PCDH9: variants seen among roughly 807,000 people sequenced by gnomAD.
PCDH9 encodes the protein protocadherin-9.
A neutral mutation model predicts 70.6 loss-of-function variants in PCDH9; 24 were observed. The ratio of observed to expected loss-of-function variants is 0.34; its 90% confidence interval spans 0.25 to 0.48. The LOEUF is 0.48. Among genes scored for constraint, PCDH9 ranks in the 20% least tolerant of loss-of-function variants. The pLI is 0.99. For synonymous variants in PCDH9, 562 were observed against 558.5 expected (o/e 1.01, Z -0.09); for missense variants, 1,281 against 1,503.6 (o/e 0.85, Z 2.45).
chr13:66,908,455 C>T (rs192332551), intron 2 of PCDH9, among the ~76,000 whole-genome samples: 29 of 152,222 alleles, frequency 1.9e-4, no homozygotes, highest in Non-Finnish European at 1.5e-5. Context: ...CAATTACACC[C>T]ATATTGAACA....
intron 3 of PCDH9, among the ~76,000 whole-genome samples, chr13:66,888,830 A>T (rs558556915): frequency 6.6e-6 from 1 of 152,194 alleles, no homozygotes; most frequent in African/African-American, 2.4e-5. Flanking sequence ...GAGCTTTCCC[A>T]ACATTCAGAA....
rs539694115 is a variant in PCDH9, at chr13:66,328,054, A to G, written c.3341-23026T>C. Among the ~76,000 whole-genome samples the G allele has an allele frequency of 3.9e-5, 6 of 152,294 alleles. No homozygotes were observed. In the South Asian group the frequency reaches 1.2e-3, roughly 32 times the overall value. On this transcript the variant is annotated intron_variant, in intron 4 of 4. Coordinates refer to ENST00000377865, the MANE Select transcript of PCDH9 (RefSeq NM_203487.3). The stretch of plus-strand genomic sequence containing the variant: ...ATAAAATATCACTAACCTTTCAAAG[A>G]TCCTATTAAGTATCCAAAATGGATG...
intron 4 of PCDH9, among the ~76,000 whole-genome samples, chr13:66,364,294 T>C (rs529931463): frequency 6.6e-6 from 1 of 152,358 alleles, no homozygotes; most frequent in South Asian, 2.1e-4. Context: ...TTGATTGTTA[T>C]CTACATATAC....
At chr13:66,954,660 C>A (rs189042491) in intron 2 of PCDH9, among the ~76,000 whole-genome samples, 130 of 152,358 alleles carry the variant, frequency 8.5e-4, no homozygotes, top group Non-Finnish European at 9.4e-4. Context: ...CCCAACTATG[C>A]TCTGGGCACA....
chr13:66,326,126 C>T (rs539800007), intron 4 of PCDH9, among the ~76,000 whole-genome samples: 1 of 152,064 alleles, frequency 6.6e-6, no homozygotes, highest in Admixed American at 6.6e-5. Flanking sequence ...GCTCTAAGTA[C>T]GAGGACAACA....
intron 2 of PCDH9, among the ~76,000 whole-genome samples, chr13:66,960,286 AT>A: frequency 6.6e-6 from 1 of 152,306 alleles, no homozygotes; most frequent in African/African-American, 2.4e-5. Context: ...AATGGCTTTA[AT>A]TTTTTAAAGT....
At chr13:66,640,368 T>C (rs1055063860) in intron 3 of PCDH9, among the ~76,000 whole-genome samples, 1 of 152,186 alleles carries the variant, frequency 6.6e-6, no homozygotes, top group Non-Finnish European at 1.5e-5. Flanking sequence ...ATTCCCCTTG[T>C]TAATAATTCT....
chr13:66,335,006 T>C (rs1956012277), intron 4 of PCDH9, among the ~76,000 whole-genome samples: 1 of 152,114 alleles, frequency 6.6e-6, no homozygotes, highest in Non-Finnish European at 1.5e-5. Flanking sequence ...AAAACATGAA[T>C]CTTGCCCAAA....
At chr13:66,585,297 T>G (rs528501816) in intron 4 of PCDH9, among the ~76,000 whole-genome samples, 27 of 152,272 alleles carry the variant, frequency 1.8e-4, no homozygotes, top group African/African-American at 6.5e-4. Context: ...AAAGTTTTGA[T>G]TATCTGTGAG....
At chr13:67,172,130 C>T (rs1457800275) in intron 2 of PCDH9, among the ~76,000 whole-genome samples, 1 of 152,212 alleles carries the variant, frequency 6.6e-6, no homozygotes, top group Admixed American at 6.5e-5. Flanking sequence ...ATCAGCTTCT[C>T]TTCCAATTGT....
chr13:66,812,678 T>C (rs947102515), intron 3 of PCDH9, among the ~76,000 whole-genome samples: 3 of 152,160 alleles, frequency 2.0e-5, no homozygotes, highest in African/African-American at 7.2e-5. Context: ...GCAATGTTGT[T>C]TCCATGAGCA....
At chr13:66,870,854 G>C (rs944956114) in intron 3 of PCDH9, among the ~76,000 whole-genome samples, 18 of 152,076 alleles carry the variant, frequency 1.2e-4, no homozygotes, top group African/African-American at 4.3e-4. Flanking sequence ...TCTAGAACTA[G>C]AAATACCATT....
chr13:67,079,867 C>CA (rs1450163320), intron 2 of PCDH9, among the ~76,000 whole-genome samples: 4 of 152,164 alleles, frequency 2.6e-5, no homozygotes, highest in Non-Finnish European at 4.4e-5. Flanking sequence ...TTAACTCAAA[C>CA]ATTCCTTTCT....
chr13:66,839,961 A>ATC (rs748310967), intron 3 of PCDH9, among the ~76,000 whole-genome samples: 3 of 152,120 alleles, frequency 2.0e-5, no homozygotes, highest in Non-Finnish European at 4.4e-5. Context: ...TGCCTTCTTG[A>ATC]TCTGACTTCA....
At chr13:66,721,232 A>G (rs2078937751) in intron 3 of PCDH9, among the ~76,000 whole-genome samples, 1 of 152,204 alleles carries the variant, frequency 6.6e-6, no homozygotes, top group Admixed American at 6.5e-5. Flanking sequence ...CAATGTAATG[A>G]ACTTCCATTT....
chr13:66,680,314 C>G (rs186842667), intron 3 of PCDH9, among the ~76,000 whole-genome samples: 104 of 152,022 alleles, frequency 6.8e-4, no homozygotes, highest in Middle Eastern at 6.8e-3. Context: ...TAGAAAGTTT[C>G]CTTTCATTGA....
At chr13:66,867,016 C>CTTTTTTTTTTT (rs562922937) in intron 3 of PCDH9, among the ~76,000 whole-genome samples, 1 of 137,024 alleles carries the variant, frequency 7.3e-6, no homozygotes, top group African/African-American at 2.7e-5. Flanking sequence ...CAGTTTCTTT[C>CTTTTTTTTTTT]TTTTTTTTTT....
chr13:66,576,371 C>A (rs988152287), intron 4 of PCDH9, among the ~76,000 whole-genome samples: 1 of 151,944 alleles, frequency 6.6e-6, no homozygotes, highest in Non-Finnish European at 1.5e-5. Context: ...TGTCCATAAT[C>A]GTAGCAATGA....
At chr13:66,901,709 C>T (rs1033585229) in intron 3 of PCDH9, among the ~76,000 whole-genome samples, 28 of 151,474 alleles carry the variant, frequency 1.8e-4, no homozygotes, top group African/African-American at 6.3e-4. Context: ...TCCTGTGCTT[C>T]GGACCTTATA....
Sources: gnomAD v4.1 joint callset for allele counts (sites outside exome capture counted in the v4.1 genomes callset) on GRCh38, gnomAD v4.1.1 for gene constraint, MANE v1.5 for transcripts, NCBI Gene and HGNC (gene_info 2026-07-23, HGNC 2026-07-21) for gene names.